VPS16: variants seen among roughly 807,000 people sequenced by gnomAD.
The protein encoded by VPS16 is vacuolar protein sorting-associated protein 16 homolog.
Under a neutral mutation model 116.0 loss-of-function variants are expected in VPS16, and 82 were observed. That is an observed-to-expected ratio of 0.71 (90% CI 0.59 to 0.85). VPS16 has a LOEUF of 0.85. Among genes scored for constraint, VPS16 ranks in the 40% least tolerant of loss-of-function variants. The pLI, the probability that VPS16 is intolerant of heterozygous loss-of-function variation, is 0.00. For missense variants in VPS16, 928 were observed against 1,090.6 expected (o/e 0.85, Z 2.10); for synonymous variants, 406 against 420.7 (o/e 0.96, Z 0.43).
intron 1 of VPS16, among the ~76,000 whole-genome samples, chr20:2,841,635 C>G (rs1568619905): frequency 1.3e-5 from 2 of 152,192 alleles, no homozygotes; most frequent in Admixed American, 1.3e-4. Context: ...CCTGATTCTC[C>G]CCCAATAGAA....
intron 11 of VPS16, 147 bp downstream of exon 11, chr20:2,862,277 T>C (rs1265118432): frequency 9.3e-7 from 1 of 1,071,364 alleles, no homozygotes; most frequent in Non-Finnish European, 1.3e-6. Flanking sequence ...TCATGTAAAC[T>C]GAAGAGACAC....
At position 2,842,681 on chromosome 20, in the gene VPS16, T is replaced by TAG. The variant is rs1298593108; in HGVS notation, c.53+1855_53+1856insGA. The stretch of plus-strand genomic sequence containing the variant: ...AGATATATAGATGTATCTATATATA[T>TAG]ATAGATACATCTAGATGTATCTATA... On this transcript the variant is annotated intron_variant, in intron 1 of 23. Coordinates refer to ENST00000380445, the MANE Select transcript of VPS16 (RefSeq NM_022575.4). Among the ~76,000 whole-genome samples the TAG allele has an allele frequency of 1.7e-3, 182 of 106,232 alleles. 8 individuals carry two copies. The highest frequency in any genetic ancestry group is 3.2e-3 in the African/African-American group (55 of 17,040). The allele number at this position is 106,232 out of a possible 152,430, so 69.7% of individuals were successfully genotyped here. A position where few individuals can be genotyped will look rare whatever the true frequency, so the allele number is the denominator to read the frequency against.
chr20:2,862,172 C>T (rs577317807), intron 11 of VPS16, 42 bp downstream of exon 11: 1 of 1,592,968 alleles, frequency 6.3e-7, no homozygotes, highest in African/African-American at 1.3e-5. Context: ...AATGGTTCCT[C>T]CTGCCCCTGC....
Position 2,865,180 on chromosome 20 carries a change from G to A in VPS16, c.2037G>A (p.Leu679=), listed in dbSNP as rs759366445. The A allele has an allele frequency of 4.3e-6, 7 of 1,614,180 alleles. No homozygotes were observed. The Admixed American group carries it at 1.0e-4, about 23-fold the overall frequency. The change falls in exon 21 of 24, where the codon CTG becomes CTA. Residue 679 remains leucine (L), a synonymous_variant. Transcript: ENST00000380445. This position sits in a 1 kb window ranked among gnomAD's most constrained non-coding sequence, Gnocchi z 5.2. ...AGGATCAAATGCGGCTCCTACGGCT[G>A]CAGCGGCGCCTAGAAGACGAGCTGG... The part of the protein sequence containing the change: ...ATEDQMRLLR[L]QRRLEDELGG...
chr20:2,862,871 A>G lies in VPS16; in HGVS notation c.1268A>G (p.Gln423Arg). Residue 423 changes from glutamine (Q) to arginine (R), a missense_variant, in exon 13 of 24, where the codon CAG (glutamine) becomes CGG (arginine). Transcript: ENST00000380445. ...CCCGACAGCTTCGTGCACATGTGTC[A>G]GGACCTGCGTGTGCTCAATGCTGTT... ...FPPDSFVHMC[Q>R]DLRVLNAVRD... is the part of the protein sequence containing the mutation. The G allele has an allele frequency of 6.2e-7, 1 of 1,614,124 alleles. No individual in the cohort carries two copies. The highest frequency in any genetic ancestry group is 8.5e-7 in the Non-Finnish European group (1 of 1,180,022).
At chr20:2,857,902 G>T (rs1437204645) in intron 1 of VPS16, among the ~76,000 whole-genome samples, 1 of 149,300 alleles carries the variant, frequency 6.7e-6, no homozygotes, top group East Asian at 1.9e-4. Flanking sequence ...GTAGAGACAG[G>T]GTTTCACCGT....
rs1445055970 is a variant in VPS16, at chr20:2,859,793, ATGGGGGCCCCAT to A, written c.132_142+1del. The A allele has an allele frequency of 1.9e-6, 3 of 1,611,378 alleles. No individual in the cohort carries two copies. On this transcript the variant is annotated inframe_deletion and splice_region_variant, in exon 2 of 24. Coordinates refer to ENST00000380445, the MANE Select transcript of VPS16 (RefSeq NM_022575.4). Reference sequence around the variant, plus strand: ...GATTGCCTGGTGGCTGCTGCACCCTATGGGGGCCCCATTGGTATGTTGCCCCTCCACCACCAC... The same window carrying A: ...GATTGCCTGGTGGCTGCTGCACCCTATGGTATGTTGCCCCTCCACCACCAC...
Position 2,864,234 on chromosome 20 carries a change from A to G in VPS16, c.1667A>G (p.Lys556Arg). Residue 556 changes from lysine to arginine, a missense_variant, in exon 17 of 24, where the codon AAG (lysine) becomes AGG (arginine). Lys to Arg is a conservative substitution (Grantham distance 26, BLOSUM62 2). Transcript: ENST00000380445. The surrounding 1 kb of genome is among the most constrained non-coding windows in gnomAD (Gnocchi z 5.2). ...CAGGTACCCCTTCTCCTAAAGATGA[A>G]GAGGAGCAAACTGGCACTAAGCAAG... ...GEQVPLLLKM[K>R]RSKLALSKAI... 1 of 1,614,170 alleles carries G rather than the reference A, an allele frequency of 6.2e-7. No individual in the cohort carries two copies. The highest frequency in any genetic ancestry group is 8.5e-7 in the Non-Finnish European group (1 of 1,180,020).
chr20:2,862,737 G>A, intron 12 of VPS16, 27 bp downstream of exon 12: 5 of 1,611,208 alleles, frequency 3.1e-6, no homozygotes, highest in Non-Finnish European at 4.2e-6. Flanking sequence ...GGGCCGGGGA[G>A]GGTGGGGCTG....
intron 1 of VPS16, among the ~76,000 whole-genome samples, chr20:2,843,559 G>A (rs1404476121): frequency 6.6e-6 from 1 of 152,204 alleles, no homozygotes; most frequent in Non-Finnish European, 1.5e-5. Context: ...AATTTCAGCT[G>A]ACCAAGGTAG....
rs543760594 is a variant in VPS16, at chr20:2,863,544, C to A, written c.1476+146C>A. The A allele has an allele frequency of 7.7e-6, 6 of 784,132 alleles. No individual in the cohort carries two copies. The East Asian group carries it at 1.6e-4, about 21-fold the overall frequency. The allele number at this position is 784,132 out of a possible 1,614,324, so 48.6% of individuals were successfully genotyped here. On this transcript the variant is annotated intron_variant, in intron 15 of 23. Coordinates refer to ENST00000380445, the MANE Select transcript of VPS16 (RefSeq NM_022575.4). This position sits in a 1 kb window ranked among gnomAD's most constrained non-coding sequence, Gnocchi z 4.4. The stretch of plus-strand genomic sequence containing the variant: ...TTGGGAGGCTGAGGCGGGCGAATCA[C>A]CTGAGGTCAGGTATTCGAGACTAGC...
Position 2,845,678 on chromosome 20 carries a change from G to A in VPS16, c.53+4851G>A, listed in dbSNP as rs545957307. Among the ~76,000 whole-genome samples, 91 of 151,894 alleles carry A rather than the reference G, an allele frequency of 6.0e-4. 1 individual carries two copies. Among genetic ancestry groups the A allele is most frequent in the African/African-American group, 1.9e-3 (78 of 41,418 alleles). ...CCATTTTTGAGTGTACCCTTTAATA[G>A]TGTTAAGTATATTCACGTTGTTGTG... On this transcript the variant is annotated intron_variant, in intron 1 of 23. Coordinates refer to ENST00000380445, the MANE Select transcript of VPS16 (RefSeq NM_022575.4).
At chr20:2,853,717 G>C (rs2089144265) in intron 1 of VPS16, among the ~76,000 whole-genome samples, 1 of 152,002 alleles carries the variant, frequency 6.6e-6, no homozygotes, top group African/African-American at 2.4e-5. Flanking sequence ...CTGTCACCCA[G>C]GCTGGAGTGC....
In VPS16 at chr20:2,865,024, T is replaced by C. The variant is rs930833270; in HGVS notation, c.1973T>C (p.Phe658Ser). 8 of 1,614,154 alleles carry C rather than the reference T, an allele frequency of 5.0e-6. No homozygotes were observed. The highest frequency in any genetic ancestry group is 1.3e-5 in the African/African-American group (1 of 75,022). The change falls in exon 20 of 24, where the codon TTC becomes TCC. Residue 658 changes from phenylalanine (F) to serine (S), a missense_variant. Physicochemically the swap from Phe to Ser is radical, Grantham distance 155. Coordinates refer to ENST00000380445, the MANE Select transcript of VPS16 (RefSeq NM_022575.4). The surrounding 1 kb of genome is among the most constrained non-coding windows in gnomAD (Gnocchi z 5.2). ...GCTCTGCAGACAGCCGCCGATGCCTTCTACAAGGCCAAGAATGAGTTTGCA... is the reference window on the plus strand; with the variant it reads ...GCTCTGCAGACAGCCGCCGATGCCTCCTACAAGGCCAAGAATGAGTTTGCA... The part of the protein sequence containing the change: ...VAALQTAADA[F>S]YKAKNEFAAK...
chr20:2,862,019 G>A, intron 10 of VPS16, 35 bp from the exon 11 acceptor site: 3 of 1,611,916 alleles, frequency 1.9e-6, no homozygotes, highest in South Asian at 2.2e-5. Flanking sequence ...GGGTTTCCCT[G>A]CCTTTCTCCC....
Position 2,866,464 on chromosome 20 carries a change from C to T in VPS16, c.2410C>T (p.His804Tyr). The change falls in exon 24 of 24, where the codon CAC becomes TAC. Residue 804 changes from histidine (H) to tyrosine (Y), a missense_variant. His to Tyr is a moderately conservative substitution (Grantham distance 83). Transcript: ENST00000380445. ...TCAGGCTGCAGATGTGGCCATCGAACACCGGAATGAGGCTGAGCTGAGCCT... is the reference window on the plus strand; with the variant it reads ...TCAGGCTGCAGATGTGGCCATCGAATACCGGAATGAGGCTGAGCTGAGCCT... ...VAQAADVAIE[H>Y]RNEAELSLVL... The T allele has an allele frequency of 6.2e-7, 1 of 1,614,194 alleles. No individual in the cohort carries two copies.
At chr20:2,847,547 C>T (rs965961068) in intron 1 of VPS16, among the ~76,000 whole-genome samples, 3 of 150,308 alleles carry the variant, frequency 2.0e-5, no homozygotes, top group Non-Finnish European at 1.5e-5. Flanking sequence ...GGCATGATCT[C>T]GGCTCACTGC....
chr20:2,865,846 T>C lies in VPS16; in HGVS notation c.2271+351T>C, dbSNP rs76518696. On this transcript the variant is annotated intron_variant, in intron 22 of 23. Coordinates refer to ENST00000380445, the MANE Select transcript of VPS16 (RefSeq NM_022575.4). This position sits in a 1 kb window ranked among gnomAD's most constrained non-coding sequence, Gnocchi z 5.2. ...AGGCAGTGGAGATACTGAGGGCTGTTTTCTGTGGTGGGTAGTTCAGAGGTG... is the reference window on the plus strand; with the variant it reads ...AGGCAGTGGAGATACTGAGGGCTGTCTTCTGTGGTGGGTAGTTCAGAGGTG... 1,774 of 454,532 alleles carry C rather than the reference T, an allele frequency of 3.9e-3. 17 individuals are homozygous for C. Among genetic ancestry groups the C allele is most frequent in the South Asian group, 0.023 (935 of 40,680 alleles). 28.2% of individuals were successfully genotyped at this position (454,532 alleles called of 1,614,324 possible).
intron 1 of VPS16, among the ~76,000 whole-genome samples, chr20:2,842,857 T>C (rs1476497738): frequency 4.4e-5 from 6 of 136,108 alleles, no homozygotes; most frequent in Admixed American, 2.9e-4. Flanking sequence ...TAGATAGATG[T>C]ATCTATCGAT....
Sources: gnomAD v4.1 joint callset for allele counts (sites outside exome capture counted in the v4.1 genomes callset) on GRCh38, gnomAD v4.1.1 for gene constraint, Gnocchi (gnomAD v3.1) non-coding constraint, MANE v1.5 for transcripts, NCBI Gene and HGNC (gene_info 2026-07-23, HGNC 2026-07-21) for gene names.